Variants in MAS1 observed in about 807,000 individuals in gnomAD.
The protein encoded by MAS1 is MAS1 proto-oncogene, G protein-coupled receptor.
For synonymous variants in MAS1, 163 were observed against 164.2 expected (o/e 0.99, Z 0.05); for missense variants, 387 against 409.7 (o/e 0.94, Z 0.48).
chr6:159,891,489 G>T (rs1450253030), intron 1 of MAS1, among the ~76,000 whole-genome samples: 2 of 152,146 alleles, frequency 1.3e-5, no homozygotes, highest in Non-Finnish European at 1.5e-5. Flanking sequence ...TTTCAAGGCT[G>T]CTTAATGAAA....
Position 159,908,087 on chromosome 6 carries a change from G to C in MAS1, c.*154G>C. ...TAATTAATGATGAAATTGAACTCTT[G>C]TACTGTATCTTCTGGAAATGACCTG... On this transcript the variant is annotated 3_prime_UTR_variant, in exon 3 of 3. Coordinates refer to ENST00000674077, the MANE Select transcript of MAS1 (RefSeq NM_002377.4). The C allele has an allele frequency of 2.6e-6, 2 of 774,804 alleles. No individual in the cohort carries two copies. The highest frequency in any genetic ancestry group is 3.9e-6 in the Non-Finnish European group (2 of 518,160). The allele number at this position is 774,804 out of a possible 1,614,324, so 48.0% of individuals were successfully genotyped here. A position where few individuals can be genotyped will look rare whatever the true frequency, so the allele number is the denominator to read the frequency against.
rs1383173889 is a variant in MAS1 at position 159,906,814 on chromosome 6, T to G, written c.-36-106T>G. On this transcript the variant is annotated intron_variant, in intron 2 of 2. Transcript: ENST00000674077. ...AACTGTAGAGTCTGTTAAACTTTTTTTTAATAACATGAAGATTATGATTTA... is the reference window on the plus strand; with the variant it reads ...AACTGTAGAGTCTGTTAAACTTTTTGTTAATAACATGAAGATTATGATTTA... The G allele has an allele frequency of 1.8e-5, 17 of 920,206 alleles. No homozygotes were observed. The East Asian group carries it at 4.5e-4, about 24-fold the overall frequency. The allele number at this position is 920,206 out of a possible 1,614,324, so 57.0% of individuals were successfully genotyped here.
intron 2 of MAS1, among the ~76,000 whole-genome samples, chr6:159,900,600 T>C (rs926000142): frequency 1.3e-5 from 2 of 152,220 alleles, no homozygotes; most frequent in Non-Finnish European, 2.9e-5. Flanking sequence ...TTTAATGGAA[T>C]TTTTTATGTG....
At chr6:159,891,242 T>C (rs1583209176) in intron 1 of MAS1, among the ~76,000 whole-genome samples, 109 bp downstream of exon 1, 1 of 152,242 alleles carries the variant, frequency 6.6e-6, no homozygotes, top group East Asian at 1.9e-4. Flanking sequence ...GTGCTGGTTT[T>C]TCTTTCTTTT....
intron 1 of MAS1, among the ~76,000 whole-genome samples, chr6:159,898,489 ACTCCTC>A (rs780491597): frequency 0.012 from 1,463 of 125,064 alleles, 13 homozygotes; most frequent in Non-Finnish European, 0.013. Context: ...TGATTTCCAG[ACTCCTC>A]CTCCTCCTCC....
In MAS1 at chr6:159,905,915, G is replaced by A. The variant is rs1029561379; in HGVS notation, c.-36-1005G>A. On this transcript the variant is annotated intron_variant, in intron 2 of 2. Transcript: ENST00000674077. ...AAATTAGCCAGGCATTGTGGCACGC[G>A]CCTGTAGTCCCAGCTACTCAGGAAG... 3.3e-5 allele frequency among the ~76,000 whole-genome samples: 5 copies of A among 151,986 alleles called. No homozygotes were observed. The East Asian group carries it at 5.8e-4, about 18-fold the overall frequency.
rs373119084 is a variant in MAS1 at position 159,907,722 on chromosome 6, C to T, written c.767C>T (p.Ser256Leu). 30 of 1,613,502 alleles carry T rather than the reference C, an allele frequency of 1.9e-5. No homozygotes were observed. The African/African-American group carries it at 2.0e-4, about 11-fold the overall frequency. The change falls in exon 3 of 3, where the codon TCG becomes TTG. Residue 256 changes from serine to leucine, a missense_variant. Coordinates refer to ENST00000674077, the MANE Select transcript of MAS1 (RefSeq NM_002377.4). ...TACCTGCTGTACTATGAGTATTGGT[C>T]GACCTTTGGGAACCTACACCACATT... The part of the protein sequence containing the change: ...LLYLLYYEYW[S>L]TFGNLHHISL...
At position 159,917,153 on chromosome 6, in the gene MAS1, G is replaced by A. The variant is rs965992213; in HGVS notation, c.*9220G>A. ...TTTGACAATCCTGACCTCGGTGGTGGCAAATCTTCCTTGTTTCCTGGTGGA... is the reference window on the plus strand; with the variant it reads ...TTTGACAATCCTGACCTCGGTGGTGACAAATCTTCCTTGTTTCCTGGTGGA... On this transcript the variant is annotated 3_prime_UTR_variant, in exon 3 of 3. Coordinates refer to ENST00000674077, the MANE Select transcript of MAS1 (RefSeq NM_002377.4). 6.6e-6 allele frequency among the ~76,000 whole-genome samples: 1 copy of A among 152,178 alleles called. No individual in the cohort carries two copies. Among genetic ancestry groups the A allele is most frequent in the Admixed American group, 6.5e-5 (1 of 15,274 alleles).
At chr6:159,900,250 A>G (rs1782807465) in intron 2 of MAS1, among the ~76,000 whole-genome samples, 1 of 151,998 alleles carries the variant, frequency 6.6e-6, no homozygotes, top group South Asian at 2.1e-4. Flanking sequence ...GCCAACACTA[A>G]ATTATTCTGA....
rs974814147 is a variant in MAS1, at chr6:159,915,508, G to C, written c.*7575G>C. The C allele has an allele frequency of 1.3e-5, 2 of 152,242 alleles. No homozygotes were observed. Among genetic ancestry groups the C allele is most frequent in the Non-Finnish European group, 2.9e-5 (2 of 68,054 alleles). The allele number at this position is 152,242 out of a possible 1,614,324, so 9.4% of individuals were successfully genotyped here. ...TTCCGCAGGCACTCCTGTGGGGAAG[G>C]AGTGATTTGCAGGCTTCATGCTGAC... On this transcript the variant is annotated 3_prime_UTR_variant, in exon 3 of 3. Coordinates refer to ENST00000674077, the MANE Select transcript of MAS1 (RefSeq NM_002377.4).
At chr6:159,902,961 G>A (rs1782839749) in intron 2 of MAS1, among the ~76,000 whole-genome samples, 2 of 152,072 alleles carry the variant, frequency 1.3e-5, no homozygotes, top group African/African-American at 4.8e-5. Context: ...TCTGCTCTCA[G>A]CTCAAATGAT....
intron 1 of MAS1, among the ~76,000 whole-genome samples, chr6:159,898,489 ACTC>A (rs780491597): frequency 0.17 from 21,128 of 124,876 alleles, 1,936 homozygotes; most frequent in East Asian, 0.47. Flanking sequence ...TGATTTCCAG[ACTC>A]CTCCTCCTCC....
chr6:159,898,957 A>G (rs1782793347), intron 1 of MAS1, among the ~76,000 whole-genome samples: 1 of 152,154 alleles, frequency 6.6e-6, no homozygotes, highest in African/African-American at 2.4e-5. Flanking sequence ...GACACACTGG[A>G]GCAAAGGCAG....
chr6:159,898,600 T>TC (rs1562309917), intron 1 of MAS1, among the ~76,000 whole-genome samples: 1 of 2,828 alleles, frequency 3.5e-4, no homozygotes, highest in Non-Finnish European at 6.5e-4. Flanking sequence ...TGTTCCTCCT[T>TC]CCTCTTCCTC....
chr6:159,895,665 A>G (rs991810147), intron 1 of MAS1, among the ~76,000 whole-genome samples: 1 of 152,250 alleles, frequency 6.6e-6, no homozygotes, highest in Non-Finnish European at 1.5e-5. Flanking sequence ...AAATTAAAAC[A>G]AGGTATCTTT....
intron 1 of MAS1, among the ~76,000 whole-genome samples, chr6:159,897,511 C>G (rs948174667): frequency 6.6e-6 from 1 of 152,204 alleles, no homozygotes; most frequent in Non-Finnish European, 1.5e-5. Context: ...TTGTGCCTAA[C>G]TTGTTAGTCT....
At chr6:159,899,593 A>T (rs1782799175) in intron 2 of MAS1, among the ~76,000 whole-genome samples, 1 of 152,074 alleles carries the variant, frequency 6.6e-6, no homozygotes, top group South Asian at 2.1e-4. Flanking sequence ...AACAAAAATT[A>T]GCTGTCATGG....
chr6:159,890,327 C>T (rs545106352), upstream of MAS1, among the ~76,000 whole-genome samples: 7 of 152,278 alleles, frequency 4.6e-5, no homozygotes, highest in Admixed American at 3.3e-4. Context: ...CCTGACTGCA[C>T]GGGTGAGAGT....
intron 1 of MAS1, among the ~76,000 whole-genome samples, chr6:159,896,905 G>C (rs796808497): frequency 4.7e-4 from 71 of 151,998 alleles, no homozygotes; most frequent in African/African-American, 1.6e-3. Flanking sequence ...ACGGAGTCTT[G>C]ATCTGTCACC....
Sources: gnomAD v4.1 joint callset for allele counts (sites outside exome capture counted in the v4.1 genomes callset) on GRCh38, gnomAD v4.1.1 for gene constraint, MANE v1.5 for transcripts, NCBI Gene and HGNC (gene_info 2026-07-23, HGNC 2026-07-21) for gene names.